The following MRAS variants were observed in gnomAD, a reference collection of about 807,000 sequenced individuals.
MRAS encodes ras-related protein M-Ras.
In MRAS, 4 loss-of-function variants were observed where a neutral mutation model predicts 20.9. The ratio of observed to expected loss-of-function variants is 0.19; its 90% CI spans 0.09 to 0.44. The LOEUF (loss-of-function observed/expected upper bound fraction) is 0.44. Ranked by LOEUF, MRAS falls within the 20% of genes least tolerant of loss-of-function variation. The pLI, the probability that MRAS is intolerant of heterozygous loss-of-function variation, is 0.99. For missense variants in MRAS, 154 were observed against 277.5 expected (o/e 0.56, Z 3.16); for synonymous variants, 98 against 102.9 (o/e 0.95, Z 0.29).
Position 138,348,648 on chromosome 3 carries a change from GGCGGGGAGCCGTCAGTCCGGCGGCC to G in MRAS, c.-131_-107del, listed in dbSNP as rs1267271157. 1.3e-5 allele frequency: 2 copies of G among 151,712 alleles called. No individual in the cohort carries two copies. The highest frequency in any genetic ancestry group is 2.9e-5 in the Non-Finnish European group (2 of 67,930). 9.4% of individuals were successfully genotyped at this position (151,712 alleles called of 1,614,324 possible). ...CGGGGACGGACCGGAGTGGCCGGCT[GGCGGGGAGCCGTCAGTCCGGCGGCC>G]GCGGGGCCCGGCGGGCGCGACGCTG... is the stretch of plus-strand genomic sequence containing the variant. On this transcript the variant is annotated 5_prime_UTR_variant, in exon 1 of 6. Coordinates refer to ENST00000423968, the MANE Select transcript of MRAS (RefSeq NM_001085049.3).
chr3:138,385,564 G>A (rs2054994573), intron 2 of MRAS, among the ~76,000 whole-genome samples: 1 of 151,766 alleles, frequency 6.6e-6, no homozygotes, highest in Non-Finnish European at 1.5e-5. Context: ...CACCCAGGCT[G>A]GAGTGCAGTG....
intron 2 of MRAS, among the ~76,000 whole-genome samples, chr3:138,393,739 G>A (rs923176016): frequency 6.6e-6 from 1 of 151,864 alleles, no homozygotes; most frequent in African/African-American, 2.4e-5. Context: ...GCCTAGGCTG[G>A]AGTGCAATGG....
At position 138,405,134 on chromosome 3, in the gene MRAS, C is replaced by T. The variant is rs2055432707; in HGVS notation, c.*2865C>T. ...CACTCGGGACACCTGGATGGTTTCT[C>T]TTAGGACTTTGCCCACCTCCTTCTC... On this transcript the variant is annotated 3_prime_UTR_variant, in exon 6 of 6. Transcript: ENST00000423968. 1 of 152,598 alleles carries T rather than the reference C, an allele frequency of 6.6e-6. No homozygotes were observed. Among genetic ancestry groups the T allele is most frequent in the South Asian group, 2.1e-4 (1 of 4,826 alleles). The allele number at this position is 152,598 out of a possible 1,614,324, so 9.5% of individuals were successfully genotyped here.
chr3:138,394,032 A>G lies in MRAS; in HGVS notation c.194-3292A>G, dbSNP rs6766812. Among the ~76,000 whole-genome samples, 1,505 of 151,346 alleles carry G rather than the reference A, an allele frequency of 9.9e-3. 24 individuals carry two copies. The highest frequency in any genetic ancestry group is 0.035 in the African/African-American group (1,443 of 41,236). On this transcript the variant is annotated intron_variant, in intron 2 of 5. Transcript: ENST00000423968. Reference sequence around the variant, plus strand: ...TTCAGGCCTTTCCACCCACACTTCAACCAAATGCATGCTGTTTCCGTCTGT... The same window carrying G: ...TTCAGGCCTTTCCACCCACACTTCAGCCAAATGCATGCTGTTTCCGTCTGT...
At position 138,398,454 on chromosome 3, in the gene MRAS, T is replaced by G. The variant is rs751179569; in HGVS notation, c.348-15T>G. 46 of 1,611,654 alleles carry G rather than the reference T, an allele frequency of 2.9e-5. No individual in the cohort carries two copies. The South Asian group carries it at 4.6e-4, about 16-fold the overall frequency. On this transcript the variant is annotated splice_polypyrimidine_tract_variant and intron_variant, in intron 3 of 5. Coordinates refer to ENST00000423968, the MANE Select transcript of MRAS (RefSeq NM_001085049.3). ...GGTGGAAACCTCACAGAGCTGCTGT[T>G]CCTTTATTTCCCAGGGAGTCATTCC... is the stretch of plus-strand genomic sequence containing the variant.
chr3:138,394,814 C>G (rs1465819771), intron 2 of MRAS, among the ~76,000 whole-genome samples: 1 of 152,160 alleles, frequency 6.6e-6, no homozygotes, highest in East Asian at 1.9e-4. Flanking sequence ...CACTTTCCTC[C>G]AGAAAGCTCT....
intron 1 of MRAS, among the ~76,000 whole-genome samples, chr3:138,371,870 C>T (rs1426628854): frequency 1.3e-5 from 2 of 152,134 alleles, no homozygotes; most frequent in Non-Finnish European, 2.9e-5. Flanking sequence ...TCCTTTTCTT[C>T]TGAGTGCCTC....
intron 1 of MRAS, among the ~76,000 whole-genome samples, chr3:138,366,006 G>C (rs898804880): frequency 6.6e-6 from 1 of 152,210 alleles, no homozygotes; most frequent in South Asian, 2.1e-4. Flanking sequence ...CAATGACAGT[G>C]CCACACTTGG....
chr3:138,352,723 T>C (rs1576335502), intron 1 of MRAS, among the ~76,000 whole-genome samples: 1 of 152,102 alleles, frequency 6.6e-6, no homozygotes, highest in African/African-American at 2.4e-5. Flanking sequence ...ATATGGGTTG[T>C]AGTGCTAGTA....
At chr3:138,377,544 C>T (rs2054810156) in intron 2 of MRAS, among the ~76,000 whole-genome samples, 1 of 152,224 alleles carries the variant, frequency 6.6e-6, no homozygotes, top group Non-Finnish European at 1.5e-5. Flanking sequence ...GCGGAGGTTG[C>T]AGTGAGTAAC....
At chr3:138,376,929 C>G (rs1210677785) in intron 2 of MRAS, among the ~76,000 whole-genome samples, 1 of 152,212 alleles carries the variant, frequency 6.6e-6, no homozygotes, top group African/African-American at 2.4e-5. Context: ...CCTGGTACAT[C>G]GTTGGAACTC....
At chr3:138,355,150 G>C (rs1407435458) in intron 1 of MRAS, among the ~76,000 whole-genome samples, 1 of 152,070 alleles carries the variant, frequency 6.6e-6, no homozygotes, top group Non-Finnish European at 1.5e-5. Context: ...AAGTATGATG[G>C]CTTACTTTGT....
intron 1 of MRAS, among the ~76,000 whole-genome samples, chr3:138,366,446 A>G (rs1407684718): frequency 6.6e-6 from 1 of 152,232 alleles, no homozygotes; most frequent in East Asian, 1.9e-4. Flanking sequence ...GGGACTCTTT[A>G]AAATAATTAG....
chr3:138,377,610 C>T (rs1207809476), intron 2 of MRAS, among the ~76,000 whole-genome samples: 1 of 152,148 alleles, frequency 6.6e-6, no homozygotes, highest in African/African-American at 2.4e-5. Flanking sequence ...CTCAGATGGC[C>T]AGGACTTCCC....
intron 2 of MRAS, among the ~76,000 whole-genome samples, chr3:138,380,125 TA>T (rs1183807219): frequency 1.3e-5 from 2 of 152,248 alleles, no homozygotes; most frequent in Non-Finnish European, 2.9e-5. Context: ...TTTTTTCATA[TA>T]CCTGCTATCC....
intron 2 of MRAS, among the ~76,000 whole-genome samples, chr3:138,385,156 ATTTTT>A (rs34770279): frequency 1.5e-5 from 1 of 66,474 alleles, no homozygotes; most frequent in Non-Finnish European, 2.6e-5. Context: ...TTGATTTGTA[ATTTTT>A]TTTTTTTTTT....
intron 1 of MRAS, among the ~76,000 whole-genome samples, chr3:138,365,875 C>G (rs914552820): frequency 2.6e-5 from 4 of 152,232 alleles, no homozygotes; most frequent in African/African-American, 9.6e-5. Context: ...ATGCCACCTA[C>G]TTGCCCTTGA....
chr3:138,362,767 A>G (rs903830993), intron 1 of MRAS, among the ~76,000 whole-genome samples: 1 of 152,106 alleles, frequency 6.6e-6, no homozygotes, highest in Admixed American at 6.5e-5. Flanking sequence ...GTGCTTATTA[A>G]GCAGCCACTG....
chr3:138,349,252 G>C (rs1192062398), intron 1 of MRAS: 1 of 152,372 alleles, frequency 6.6e-6, no homozygotes, highest in African/African-American at 2.4e-5. Flanking sequence ...CGGAGGTTTG[G>C]GGAGCTGGAG....
Sources: allele counts gnomAD v4.1 joint callset (sites outside exome capture counted in the v4.1 genomes callset), GRCh38; gene constraint gnomAD v4.1.1; transcripts MANE v1.5; gene names NCBI Gene and HGNC (gene_info 2026-07-23, HGNC 2026-07-21).